ANKH: variants seen among roughly 807,000 people sequenced by gnomAD.
ANKH encodes ANKH inorganic pyrophosphate transport regulator.
In ANKH, 15 loss-of-function variants were observed where a neutral mutation model predicts 49.0. That is an observed-to-expected ratio of 0.31 (90% CI 0.20 to 0.47). ANKH has a LOEUF of 0.47. Among genes scored for constraint, ANKH ranks in the 20% least tolerant of loss-of-function variants. The pLI, the probability that ANKH is intolerant of heterozygous loss-of-function variation, is 1.00. For synonymous variants in ANKH, 273 were observed against 260.0 expected (o/e 1.05, Z -0.48); for missense variants, 429 against 652.0 (o/e 0.66, Z 3.72).
At chr5:14,716,243 T>C (rs556196814) in intron 9 of ANKH, among the ~76,000 whole-genome samples, 23 of 152,200 alleles carry the variant, frequency 1.5e-4, no homozygotes, top group Non-Finnish European at 3.1e-4. Flanking sequence ...GGCTCACGCC[T>C]GTAATCCCAG....
rs543929694 is a variant in ANKH at position 14,828,581 on chromosome 5, T to C, written c.96+42771A>G. Reference sequence around the variant, plus strand: ...AAAAGTTTCCTCTTCTTTTCTTTTCTTTCTTCTTCTTTTTTTTAATACCAT... The same window carrying C: ...AAAAGTTTCCTCTTCTTTTCTTTTCCTTCTTCTTCTTTTTTTTAATACCAT... On this transcript the variant is annotated intron_variant, in intron 1 of 11. Coordinates refer to ENST00000284268, the MANE Select transcript of ANKH (RefSeq NM_054027.6). Among the ~76,000 whole-genome samples, 8 of 152,202 alleles carry C rather than the reference T, an allele frequency of 5.3e-5. No individual in the cohort carries two copies. In the South Asian group the frequency reaches 1.2e-3, roughly 24 times the overall value.
intron 8 of ANKH, among the ~76,000 whole-genome samples, chr5:14,718,245 G>A (rs2126419258): frequency 6.6e-6 from 1 of 152,112 alleles, no homozygotes; most frequent in South Asian, 2.1e-4. Flanking sequence ...AAAATGGGGT[G>A]GGGTGGGGGG....
intron 1 of ANKH, among the ~76,000 whole-genome samples, chr5:14,775,619 G>A (rs1739592868): frequency 6.6e-6 from 1 of 152,170 alleles, no homozygotes; most frequent in Non-Finnish European, 1.5e-5. Context: ...TTTGAGCTGG[G>A]ACCCAAAGAC....
chr5:14,798,448 G>A, intron 1 of ANKH: 1 of 1,484,436 alleles, frequency 6.7e-7, no homozygotes, highest in Non-Finnish European at 9.1e-7. Context: ...GTTGTGGGAG[G>A]GGCAGGGAGG....
At chr5:14,816,820 C>T (rs1471432705) in intron 1 of ANKH, among the ~76,000 whole-genome samples, 7 of 152,088 alleles carry the variant, frequency 4.6e-5, no homozygotes, top group African/African-American at 1.2e-4. Context: ...AGGATGAACA[C>T]GATGGCAAAC....
chr5:14,806,687 C>T (rs780913696), intron 1 of ANKH, among the ~76,000 whole-genome samples: 6 of 152,156 alleles, frequency 3.9e-5, no homozygotes, highest in African/African-American at 7.2e-5. Context: ...GAACCGGCTG[C>T]GGCAGCTCTT....
intron 8 of ANKH, among the ~76,000 whole-genome samples, chr5:14,727,882 T>C (rs551700669): frequency 1.3e-3 from 194 of 152,264 alleles, no homozygotes; most frequent in African/African-American, 4.5e-3. Flanking sequence ...ATTAAAAAAA[T>C]CTTAAAAACA....
intron 8 of ANKH, among the ~76,000 whole-genome samples, chr5:14,723,247 G>A (rs551486526): frequency 2.7e-4 from 41 of 152,066 alleles, no homozygotes; most frequent in African/African-American, 9.4e-4. Flanking sequence ...CTGGCTCCTC[G>A]GTTGTAACAT....
chr5:14,769,217 A>G (rs200426752), intron 1 of ANKH, 26 bp from the exon 2 acceptor site: 2 of 1,576,280 alleles, frequency 1.3e-6, no homozygotes, highest in East Asian at 2.3e-5. Context: ...AAAACCCACA[A>G]GCATTAGAAA....
At chr5:14,775,866 TGGC>T in intron 1 of ANKH, among the ~76,000 whole-genome samples, 1 of 152,176 alleles carries the variant, frequency 6.6e-6, no homozygotes, top group African/African-American at 2.4e-5. Flanking sequence ...GGGCTGCCAC[TGGC>T]CTTTGTGATA....
chr5:14,774,550 G>A (rs1306880859), intron 1 of ANKH, among the ~76,000 whole-genome samples: 1 of 152,032 alleles, frequency 6.6e-6, no homozygotes, highest in Non-Finnish European at 1.5e-5. Flanking sequence ...CAATTCTCCT[G>A]CCTCAGCCTC....
At chr5:14,712,723 C>T in intron 11 of ANKH, 151 bp downstream of exon 11, 1 of 774,140 alleles carries the variant, frequency 1.3e-6, no homozygotes. Context: ...TCCCATTAGG[C>T]TTCCAGCCAC....
chr5:14,810,435 A>G (rs182343492), intron 1 of ANKH, among the ~76,000 whole-genome samples: 1 of 152,332 alleles, frequency 6.6e-6, no homozygotes, highest in Non-Finnish European at 1.5e-5. Context: ...CTGGGATTAC[A>G]GGAGTGAGCC....
intron 11 of ANKH, among the ~76,000 whole-genome samples, chr5:14,711,659 T>C (rs1465753902): frequency 1.3e-5 from 2 of 152,134 alleles, no homozygotes; most frequent in Admixed American, 1.3e-4. Flanking sequence ...TCCTTCCTCC[T>C]CCCTAAAGCC....
At chr5:14,736,003 TAAC>T (rs1236192036) in intron 8 of ANKH, among the ~76,000 whole-genome samples, 26 of 130,444 alleles carry the variant, frequency 2.0e-4, no homozygotes, top group Non-Finnish European at 3.0e-4. Flanking sequence ...AGTAAAAACC[TAAC>T]TTTTTTTTTT....
intron 1 of ANKH, among the ~76,000 whole-genome samples, chr5:14,862,286 G>C (rs1485118971): frequency 6.6e-6 from 1 of 152,168 alleles, no homozygotes; most frequent in Non-Finnish European, 1.5e-5. Context: ...CAACTACATA[G>C]GAGAAACAGT....
At chr5:14,838,867 C>G (rs1741736181) in intron 1 of ANKH, among the ~76,000 whole-genome samples, 1 of 152,090 alleles carries the variant, frequency 6.6e-6, no homozygotes. Context: ...CAGCCAAGTC[C>G]CTCCCAGCCC....
At chr5:14,788,327 T>G (rs915989319) in intron 1 of ANKH, 1 of 152,230 alleles carries the variant, frequency 6.6e-6, no homozygotes, top group African/African-American at 2.4e-5. Context: ...TCCCAGGGAT[T>G]ATCACTGTCA....
chr5:14,722,439 G>C (rs1202607877), intron 8 of ANKH, among the ~76,000 whole-genome samples: 1 of 152,098 alleles, frequency 6.6e-6, no homozygotes, highest in African/African-American at 2.4e-5. Flanking sequence ...GGATTCCTTA[G>C]AGAAATGACT....
Sources: allele counts gnomAD v4.1 joint callset (sites outside exome capture counted in the v4.1 genomes callset), GRCh38; gene constraint gnomAD v4.1.1; transcripts MANE v1.5; gene names NCBI Gene and HGNC (gene_info 2026-07-23, HGNC 2026-07-21).